The following FSTL5 variants were observed in gnomAD, a reference collection of about 807,000 sequenced individuals.
FSTL5 encodes the protein follistatin-related protein 5.
FSTL5 carries 62 observed loss-of-function variants against 89.1 expected under a neutral mutation model. That is an observed-to-expected ratio of 0.70 (90% CI 0.57 to 0.86). The LOEUF is 0.86. FSTL5 is among the 40% of genes least tolerant of loss of function. The pLI is 0.00. For synonymous variants in FSTL5, 383 were observed against 346.2 expected (o/e 1.11, Z -1.18); for missense variants, 1,057 against 1,001.6 (o/e 1.06, Z -0.75).
chr4:161,572,003 C>T (rs1733032174), intron 8 of FSTL5, among the ~76,000 whole-genome samples: 2 of 152,042 alleles, frequency 1.3e-5, no homozygotes, highest in Admixed American at 6.6e-5. Flanking sequence ...AACTAGCTCT[C>T]TTGTAGTAGA....
intron 6 of FSTL5, among the ~76,000 whole-genome samples, chr4:161,737,190 T>C (rs1739848293): frequency 6.6e-6 from 1 of 152,138 alleles, no homozygotes. Flanking sequence ...CAGTGTTTAG[T>C]TCTCTTTAGT....
intron 15 of FSTL5, among the ~76,000 whole-genome samples, chr4:161,404,366 G>A (rs1731285380): frequency 6.6e-6 from 1 of 151,874 alleles, no homozygotes; most frequent in South Asian, 2.1e-4. Flanking sequence ...ATGTATAGTG[G>A]AGATCCCAGA....
At chr4:162,132,926 A>G (rs1167083395) in intron 1 of FSTL5, among the ~76,000 whole-genome samples, 1 of 152,168 alleles carries the variant, frequency 6.6e-6, no homozygotes, top group Non-Finnish European at 1.5e-5. Context: ...TTAAGCAGAA[A>G]AAGTGGTAGT....
chr4:162,075,770 C>T (rs900417259), intron 2 of FSTL5, among the ~76,000 whole-genome samples: 1 of 151,828 alleles, frequency 6.6e-6, no homozygotes, highest in African/African-American at 2.4e-5. Flanking sequence ...CATATAGATG[C>T]TGCACACTTT....
At chr4:161,743,568 T>C (rs1424818468) in intron 6 of FSTL5, among the ~76,000 whole-genome samples, 1 of 152,154 alleles carries the variant, frequency 6.6e-6, no homozygotes, top group African/African-American at 2.4e-5. Flanking sequence ...TAGTTTTTTT[T>C]TCTATTTCTG....
chr4:161,470,207 G>A (rs1227620678), intron 13 of FSTL5, among the ~76,000 whole-genome samples: 4 of 151,770 alleles, frequency 2.6e-5, no homozygotes, highest in African/African-American at 7.3e-5. Context: ...TTGCTCTTTC[G>A]TCTAACAGTT....
At chr4:161,505,213 CTCACTGAAT>C (rs1730434656) in intron 11 of FSTL5, among the ~76,000 whole-genome samples, 1 of 152,120 alleles carries the variant, frequency 6.6e-6, no homozygotes, top group East Asian at 1.9e-4. Context: ...GTTGCATTTT[CTCACTGAAT>C]AACTCAGCAC....
At chr4:161,515,224 T>A (rs1284009318) in intron 10 of FSTL5, among the ~76,000 whole-genome samples, 2 of 151,760 alleles carry the variant, frequency 1.3e-5, no homozygotes, top group Non-Finnish European at 2.9e-5. Context: ...TGTTTGGGGG[T>A]TGTTTGTCTG....
chr4:161,570,052 C>T (rs1055146877), intron 8 of FSTL5, among the ~76,000 whole-genome samples: 2 of 152,056 alleles, frequency 1.3e-5, no homozygotes, highest in Admixed American at 1.3e-4. Flanking sequence ...AATATATACC[C>T]TTGTTTTTTT....
chr4:161,597,822 G>A (rs1461763749), intron 7 of FSTL5, among the ~76,000 whole-genome samples: 1 of 152,068 alleles, frequency 6.6e-6, no homozygotes, highest in South Asian at 2.1e-4. Flanking sequence ...AAATTCTAGT[G>A]TGGAGAAGGT....
intron 1 of FSTL5, among the ~76,000 whole-genome samples, chr4:162,113,729 T>C (rs939987978): frequency 1.3e-5 from 2 of 152,152 alleles, no homozygotes; most frequent in South Asian, 4.1e-4. Flanking sequence ...ACTTGAAATA[T>C]GGCCCTTTCC....
intron 15 of FSTL5, among the ~76,000 whole-genome samples, chr4:161,398,233 A>G (rs1358878557): frequency 6.6e-6 from 1 of 152,132 alleles, no homozygotes; most frequent in Non-Finnish European, 1.5e-5. Context: ...TGGTTGCAAC[A>G]AGAAAATGTA....
intron 4 of FSTL5, among the ~76,000 whole-genome samples, chr4:161,807,841 A>G (rs1333470150): frequency 6.6e-6 from 1 of 152,166 alleles, no homozygotes; most frequent in Non-Finnish European, 1.5e-5. Flanking sequence ...GTAAGAAGAC[A>G]TGGTGGTTGA....
intron 8 of FSTL5, among the ~76,000 whole-genome samples, chr4:161,544,481 T>C (rs939347960): frequency 6.6e-6 from 1 of 151,806 alleles, no homozygotes; most frequent in Admixed American, 6.6e-5. Context: ...ACTGAGGAAA[T>C]GGAGGAATGA....
intron 4 of FSTL5, among the ~76,000 whole-genome samples, chr4:161,781,293 C>T (rs1162834864): frequency 6.6e-6 from 1 of 150,626 alleles, no homozygotes; most frequent in Non-Finnish European, 1.5e-5. Flanking sequence ...TATGAAGGAA[C>T]CAAAATTATC....
intron 2 of FSTL5, among the ~76,000 whole-genome samples, chr4:162,086,732 A>G (rs1283324595): frequency 6.6e-6 from 1 of 151,962 alleles, no homozygotes; most frequent in Non-Finnish European, 1.5e-5. Flanking sequence ...TTTAAAAAAG[A>G]GCTTAAAACT....
chr4:162,035,913 T>G (rs1737720012), intron 2 of FSTL5, among the ~76,000 whole-genome samples: 1 of 152,100 alleles, frequency 6.6e-6, no homozygotes, highest in Admixed American at 6.6e-5. Flanking sequence ...TCCAAGGGTC[T>G]GAGCTGCTAT....
At position 161,697,631 on chromosome 4, in the gene FSTL5, G is replaced by T. The variant is rs537276197; in HGVS notation, c.728-41137C>A. On this transcript the variant is annotated intron_variant, in intron 6 of 15. Transcript: ENST00000306100. ...GCCGGCCAATGGACGAATTAATAAA[G>T]AAATTGTGGTATCAATACAATGGAA... is the stretch of plus-strand genomic sequence containing the variant. Among the ~76,000 whole-genome samples, 12 of 152,196 alleles carry T rather than the reference G, an allele frequency of 7.9e-5. No homozygotes were observed. The East Asian group carries it at 2.3e-3, about 29-fold the overall frequency.
chr4:161,741,224 A>C (rs764429090), intron 6 of FSTL5, among the ~76,000 whole-genome samples: 1 of 152,200 alleles, frequency 6.6e-6, no homozygotes, highest in Non-Finnish European at 1.5e-5. Flanking sequence ...AATTAAATTT[A>C]CCAGATAGAA....
Sources: gnomAD v4.1 joint callset for allele counts (sites outside exome capture counted in the v4.1 genomes callset) on GRCh38, gnomAD v4.1.1 for gene constraint, MANE v1.5 for transcripts, NCBI Gene and HGNC (gene_info 2026-07-23, HGNC 2026-07-21) for gene names.